SETD7: variants seen among roughly 807,000 people sequenced by gnomAD.
SETD7 encodes the protein SET domain containing 7, histone lysine methyltransferase.
A neutral mutation model predicts 41.8 loss-of-function variants in SETD7; 16 were observed. The ratio of observed to expected loss-of-function variants is 0.38; its 90% CI spans 0.26 to 0.58. The LOEUF (loss-of-function observed/expected upper bound fraction) is 0.58, where lower values mean the gene tolerates loss of function less well. SETD7 is among the 20% of genes least tolerant of loss of function. The pLI, the probability that SETD7 is intolerant of heterozygous loss-of-function variation, is 0.64. For synonymous variants in SETD7, 163 were observed against 169.7 expected, an observed-to-expected ratio of 0.96 and a Z score of 0.31; for missense variants, 346 against 459.7, an observed-to-expected ratio of 0.75 and a Z score of 2.26.
intron 2 of SETD7, among the ~76,000 whole-genome samples, chr4:139,539,597 A>C (rs1727730270): frequency 6.6e-6 from 1 of 152,218 alleles, no homozygotes; most frequent in Non-Finnish European, 1.5e-5. Context: ...AGTAACAGTA[A>C]AATATTTGAA....
At chr4:139,548,185 T>C (rs1728014300) in intron 1 of SETD7, 1 of 152,154 alleles carries the variant, frequency 6.6e-6, no homozygotes, top group African/African-American at 2.4e-5. Context: ...ACATTAAACA[T>C]TGAAATGTAG....
chr4:139,535,534 A>C (rs6821410), intron 2 of SETD7, among the ~76,000 whole-genome samples: 3,107 of 152,316 alleles, frequency 0.02, 102 homozygotes, highest in African/African-American at 0.072. Context: ...ATCTACAAGA[A>C]ACAGGTCTTG....
At chr4:139,493,234 G>A (rs995493969), downstream of SETD7, among the ~76,000 whole-genome samples, 3 of 152,226 alleles carry the variant, frequency 2.0e-5, no homozygotes, top group Non-Finnish European at 4.4e-5. Flanking sequence ...TGACGGTCAA[G>A]GAGGGCACCT....
Position 139,511,562 on chromosome 4 carries a change from C to T in SETD7, c.*101G>A, listed in dbSNP as rs540580308. 13 of 1,579,940 alleles carry T rather than the reference C, an allele frequency of 8.2e-6. No individual in the cohort carries two copies. Among genetic ancestry groups the T allele is most frequent in the African/African-American group, 6.9e-5 (5 of 72,896 alleles). On this transcript the variant is annotated 3_prime_UTR_variant, in exon 8 of 8. Coordinates refer to ENST00000274031, the MANE Select transcript of SETD7 (RefSeq NM_030648.4). ...GCTAACGCATGGTGAGAGGATGTGA[C>T]GTCACAGCATGAGCAGTCCCTGGTT...
At chr4:139,503,268 T>C (rs1023048276), downstream of SETD7, among the ~76,000 whole-genome samples, 1 of 149,654 alleles carries the variant, frequency 6.7e-6, no homozygotes, top group African/African-American at 2.5e-5. Flanking sequence ...AGTTGATTGG[T>C]AGGCTAAGTG....
At chr4:139,528,852 C>T (rs1035988933) in intron 4 of SETD7, among the ~76,000 whole-genome samples, 179 bp downstream of exon 4, 1 of 152,204 alleles carries the variant, frequency 6.6e-6, no homozygotes, top group African/African-American at 2.4e-5. Context: ...CTCGGCAGAG[C>T]TGTGGTTGCT....
chr4:139,517,163 T>C (rs1239915550), intron 7 of SETD7, among the ~76,000 whole-genome samples: 2 of 152,184 alleles, frequency 1.3e-5, no homozygotes, highest in African/African-American at 4.8e-5. Flanking sequence ...TTTATTTTCC[T>C]TCTTTCTTTC....
intron 7 of SETD7, among the ~76,000 whole-genome samples, chr4:139,499,707 T>G (rs1726532442): frequency 6.6e-6 from 1 of 152,164 alleles, no homozygotes; most frequent in Non-Finnish European, 1.5e-5. Flanking sequence ...GAAGGCAGAT[T>G]TGAGAAATTT....
chr4:139,524,321 G>A (rs995148642), intron 4 of SETD7, among the ~76,000 whole-genome samples: 3 of 152,136 alleles, frequency 2.0e-5, no homozygotes, highest in African/African-American at 7.2e-5. Context: ...GCACAGAAAC[G>A]GACCATTTGA....
intron 7 of SETD7, 131 bp downstream of exon 7, chr4:139,517,754 G>A (rs1017197566): frequency 1.4e-5 from 13 of 917,012 alleles, no homozygotes; most frequent in Admixed American, 1.1e-4. Context: ...CCCTGAGGCC[G>A]ATAGCAGAGG....
At chr4:139,545,736 C>T (rs1252977121) in intron 2 of SETD7, among the ~76,000 whole-genome samples, 1 of 152,154 alleles carries the variant, frequency 6.6e-6, no homozygotes, top group Non-Finnish European at 1.5e-5. Context: ...GGGTCACATA[C>T]CAGTCCCTGA....
chr4:139,532,841 T>C lies in SETD7; in HGVS notation c.372+324A>G, dbSNP rs529614323. On this transcript the variant is annotated intron_variant, in intron 3 of 7. Coordinates refer to ENST00000274031, the MANE Select transcript of SETD7 (RefSeq NM_030648.4). ...AATGAAAATTTCCACTATCTCCCTC[T>C]ATGTGCCAAAAGAATTAAAAGCAAT... 1.9e-4 allele frequency: 77 copies of C among 396,252 alleles called. No homozygotes were observed. The South Asian group carries it at 2.6e-3, about 14-fold the overall frequency. 24.5% of individuals were successfully genotyped at this position (396,252 alleles called of 1,614,324 possible).
chr4:139,523,604 G>A (rs146339656), intron 4 of SETD7, among the ~76,000 whole-genome samples, 169 bp from the exon 5 acceptor site: 158 of 152,246 alleles, frequency 1.0e-3, no homozygotes, highest in African/African-American at 3.6e-3. Context: ...TTAGATTTAC[G>A]CTTCAGTTTT....
At chr4:139,520,916 A>G (rs182159052) in intron 5 of SETD7, among the ~76,000 whole-genome samples, 1 of 152,328 alleles carries the variant, frequency 6.6e-6, no homozygotes, top group East Asian at 1.9e-4. Flanking sequence ...GGGGTCAGTT[A>G]ACTATGGCCT....
At chr4:139,543,324 C>T (rs1727830565) in intron 2 of SETD7, among the ~76,000 whole-genome samples, 1 of 152,216 alleles carries the variant, frequency 6.6e-6, no homozygotes, top group Non-Finnish European at 1.5e-5. Context: ...ATAATCAAAT[C>T]CCACATCTGC....
chr4:139,526,362 T>C (rs1727330431), intron 4 of SETD7, among the ~76,000 whole-genome samples: 1 of 151,674 alleles, frequency 6.6e-6, no homozygotes, highest in African/African-American at 2.4e-5. Flanking sequence ...CCTGACTTCC[T>C]GAGCTCACGT....
intron 2 of SETD7, among the ~76,000 whole-genome samples, chr4:139,537,269 C>T (rs1727665095): frequency 6.6e-6 from 1 of 152,226 alleles, no homozygotes; most frequent in African/African-American, 2.4e-5. Flanking sequence ...GCCACCGCGC[C>T]TGGCTGCACC....
At chr4:139,518,424 C>A (rs1301815475) in intron 6 of SETD7, among the ~76,000 whole-genome samples, 1 of 152,178 alleles carries the variant, frequency 6.6e-6, no homozygotes, top group Non-Finnish European at 1.5e-5. Flanking sequence ...CCACCACACT[C>A]AGCCAAAACT....
chr4:139,506,870 G>A lies in SETD7; in HGVS notation c.*4793C>T, dbSNP rs1001039217. 1 of 152,700 alleles carries A rather than the reference G, an allele frequency of 6.5e-6. No homozygotes were observed. Among genetic ancestry groups the A allele is most frequent in the Non-Finnish European group, 1.5e-5 (1 of 68,084 alleles). The allele number at this position is 152,700 out of a possible 1,614,324, so 9.5% of individuals were successfully genotyped here. ...GTAAAGTCACAGACAGAGGAAGCAA[G>A]GATTTTTGTTATCGGAGGACGTCTC... On this transcript the variant is annotated 3_prime_UTR_variant, in exon 8 of 8. Transcript: ENST00000274031.
Sources: allele counts gnomAD v4.1 joint callset (sites outside exome capture counted in the v4.1 genomes callset), GRCh38; gene constraint gnomAD v4.1.1; transcripts MANE v1.5; gene names NCBI Gene and HGNC (gene_info 2026-07-23, HGNC 2026-07-21).